SH3GL1: variants seen among roughly 807,000 people sequenced by gnomAD.
SH3GL1 encodes SH3 domain containing GRB2 like 1, endophilin A2.
SH3GL1 carries 21 observed loss-of-function variants against 48.8 expected under a neutral mutation model. The observed-to-expected ratio is 0.43, with a 90% CI of 0.30 to 0.62. The LOEUF is 0.62. Ranked by LOEUF, SH3GL1 falls within the 20% of genes least tolerant of loss-of-function variation. The pLI, the probability that SH3GL1 is intolerant of heterozygous loss-of-function variation, is 0.11. For missense variants in SH3GL1, 454 were observed against 503.0 expected (o/e 0.90, Z 0.93); for synonymous variants, 282 against 217.5 (o/e 1.30, Z -2.61).
chr19:4,395,662 C>G (rs987659029), intron 1 of SH3GL1: 3 of 152,140 alleles, frequency 2.0e-5, no homozygotes, highest in African/African-American at 7.2e-5. Flanking sequence ...AATCCCAGCA[C>G]TTTGGGAGGC....
intron 7 of SH3GL1, among the ~76,000 whole-genome samples, chr19:4,362,986 A>G (rs545571071): frequency 3.0e-4 from 45 of 152,004 alleles, no homozygotes; most frequent in African/African-American, 1.0e-3. Context: ...GCATCTACCT[A>G]CAACACCCCC....
intron 1 of SH3GL1, among the ~76,000 whole-genome samples, chr19:4,384,338 C>T (rs962779013): frequency 2.0e-5 from 3 of 152,230 alleles, no homozygotes; most frequent in Non-Finnish European, 2.9e-5. Flanking sequence ...CCCCCAGGCA[C>T]ATACAGCACG....
At chr19:4,366,044 G>A (rs1972770009) in intron 3 of SH3GL1, among the ~76,000 whole-genome samples, 1 of 152,208 alleles carries the variant, frequency 6.6e-6, no homozygotes, top group South Asian at 2.1e-4. Flanking sequence ...GGACACTGCT[G>A]GGTGTGCGTC....
chr19:4,364,059 C>G (rs1446062799), intron 5 of SH3GL1, 29 bp downstream of exon 5: 1 of 1,611,628 alleles, frequency 6.2e-7, no homozygotes, highest in Non-Finnish European at 8.5e-7. Flanking sequence ...GGGGAAGGGA[C>G]AGGCCCCAGG....
At chr19:4,381,975 G>A (rs920679229) in intron 1 of SH3GL1, among the ~76,000 whole-genome samples, 4 of 151,946 alleles carry the variant, frequency 2.6e-5, no homozygotes, top group Non-Finnish European at 4.4e-5. Flanking sequence ...CGTCTTCAAC[G>A]ACATATTAAA....
chr19:4,395,966 A>G (rs1197772770), intron 1 of SH3GL1: 1 of 152,128 alleles, frequency 6.6e-6, no homozygotes, highest in Non-Finnish European at 1.5e-5. Flanking sequence ...AACGGTGTAC[A>G]TATACACATA....
intron 1 of SH3GL1, among the ~76,000 whole-genome samples, chr19:4,379,054 CCA>C (rs756707668): frequency 1.1e-4 from 16 of 152,336 alleles, no homozygotes; most frequent in Non-Finnish European, 2.2e-4. Flanking sequence ...TCCAGATCAG[CCA>C]CAGAGTCAAG....
intron 7 of SH3GL1, 103 bp from the exon 8 acceptor site, chr19:4,362,839 G>A (rs1333240269): frequency 4.5e-6 from 7 of 1,566,310 alleles, no homozygotes; most frequent in East Asian, 2.2e-5. Flanking sequence ...GGGACTGCAG[G>A]AAGAGGCCGT....
intron 1 of SH3GL1, among the ~76,000 whole-genome samples, chr19:4,371,555 T>G (rs576299604): frequency 6.6e-6 from 1 of 152,202 alleles, no homozygotes; most frequent in Non-Finnish European, 1.5e-5. Flanking sequence ...AGGGTTTTGT[T>G]TTTTTTTCTC....
chr19:4,397,656 C>G (rs542327918), intron 1 of SH3GL1, among the ~76,000 whole-genome samples: 1 of 152,306 alleles, frequency 6.6e-6, no homozygotes, highest in South Asian at 2.1e-4. Context: ...GGTCTGACGC[C>G]TGCTGGGCAA....
At chr19:4,372,664 G>C (rs566805094) in intron 1 of SH3GL1, among the ~76,000 whole-genome samples, 1 of 152,206 alleles carries the variant, frequency 6.6e-6, no homozygotes, top group Non-Finnish European at 1.5e-5. Flanking sequence ...CAACACCTGG[G>C]AGCCACTGCC....
chr19:4,371,317 C>T (rs571971252), intron 1 of SH3GL1, among the ~76,000 whole-genome samples: 1 of 152,338 alleles, frequency 6.6e-6, no homozygotes, highest in East Asian at 1.9e-4. Context: ...CAGGTTTTAC[C>T]CAGAGGGGTG....
intron 1 of SH3GL1, among the ~76,000 whole-genome samples, chr19:4,387,404 T>C (rs1430323465): frequency 6.6e-6 from 1 of 152,174 alleles, no homozygotes; most frequent in Non-Finnish European, 1.5e-5. Flanking sequence ...ACTTAAGTGA[T>C]CCTCCCACCT....
At chr19:4,366,200 G>C (rs770324740) in intron 3 of SH3GL1, among the ~76,000 whole-genome samples, 35 of 152,340 alleles carry the variant, frequency 2.3e-4, no homozygotes, top group Middle Eastern at 3.4e-3. Flanking sequence ...AATACAAATG[G>C]ATCCCACAAG....
At position 4,363,849 on chromosome 19, in the gene SH3GL1, G is replaced by T. The variant is rs990731716; in HGVS notation, c.495C>A (p.Arg165=). 6.2e-7 allele frequency: 1 copy of T among 1,612,864 alleles called. No individual in the cohort carries two copies. Among genetic ancestry groups the T allele is most frequent in the Non-Finnish European group, 8.5e-7 (1 of 1,180,044 alleles). The change falls in exon 6 of 10, where the codon CGC becomes CGA. Residue 165 remains arginine (R), a synonymous_variant. Transcript: ENST00000269886. ...QHHLKKLEGR[R]LDFDYKKKRQ... is the part of the protein sequence containing the mutation. The stretch of plus-strand genomic sequence containing the variant: ...GCTTCTTCTTGTAGTCAAAGTCCAG[G>T]CGGCGGCCCTCCAGTTTCTTCAGGT...
At position 4,400,318 on chromosome 19, in the gene SH3GL1, G is replaced by T. The variant is rs763915389; in HGVS notation, c.45+6C>A. On this transcript the variant is annotated splice_donor_region_variant and intron_variant, in intron 1 of 9. Transcript: ENST00000269886. The surrounding 1 kb of genome is among the most constrained non-coding windows in gnomAD (Gnocchi z 4.1). ...GTACTCGGCTCCCGCCTGGGCCTGCGCTCACCTGGCTCGCCTTGTAGAACT... is the reference window on the plus strand; with the variant it reads ...GTACTCGGCTCCCGCCTGGGCCTGCTCTCACCTGGCTCGCCTTGTAGAACT... 5.6e-6 allele frequency: 9 copies of T among 1,598,536 alleles called. No individual in the cohort carries two copies. Among genetic ancestry groups the T allele is most frequent in the Non-Finnish European group, 6.8e-6 (8 of 1,175,624 alleles).
rs1972603953 is a variant in SH3GL1, at chr19:4,361,327, G to C, written c.*273C>G. 8 of 508,218 alleles carry C rather than the reference G, an allele frequency of 1.6e-5. No homozygotes were observed. In the Admixed American group the frequency reaches 2.8e-4, roughly 18 times the overall value. 31.5% of individuals were successfully genotyped at this position (508,218 alleles called of 1,614,324 possible). A position where few individuals can be genotyped will look rare whatever the true frequency, so the allele number is the denominator to read the frequency against. ...CTCGGCCAGCTGGGCGAGAAGTTGG[G>C]GAGCGGGGGAGGAGGCTGGCGCCAT... On this transcript the variant is annotated 3_prime_UTR_variant, in exon 10 of 10. Transcript: ENST00000269886.
chr19:4,391,888 C>T (rs887986637), intron 1 of SH3GL1, among the ~76,000 whole-genome samples: 1 of 152,258 alleles, frequency 6.6e-6, no homozygotes, highest in Admixed American at 6.5e-5. Context: ...CCAATGCCGG[C>T]TCCAATGCCT....
rs1972594766 is a variant in SH3GL1, at chr19:4,361,082, C to G, written c.*518G>C. 1 of 237,378 alleles carries G rather than the reference C, an allele frequency of 4.2e-6. No homozygotes were observed. Among genetic ancestry groups the G allele is most frequent in the African/African-American group, 2.2e-5 (1 of 45,292 alleles). 14.7% of individuals were successfully genotyped at this position (237,378 alleles called of 1,614,324 possible). A position where few individuals can be genotyped will look rare whatever the true frequency, so the allele number is the denominator to read the frequency against. On this transcript the variant is annotated 3_prime_UTR_variant, in exon 10 of 10. Transcript: ENST00000269886. ...TGTGTGAGGCGGGGGTGCATTGGCC[C>G]TGGAGTAGGGCCAGGGCCCATCACC...
Sources: gnomAD v4.1 joint callset for allele counts (sites outside exome capture counted in the v4.1 genomes callset) on GRCh38, gnomAD v4.1.1 for gene constraint, Gnocchi (gnomAD v3.1) non-coding constraint, MANE v1.5 for transcripts, NCBI Gene and HGNC (gene_info 2026-07-23, HGNC 2026-07-21) for gene names.